EFCAB6: variants seen among roughly 807,000 people sequenced by gnomAD.
EFCAB6 encodes EF-hand calcium-binding domain-containing protein 6.
A neutral mutation model predicts 169.8 loss-of-function variants in EFCAB6; 156 were observed. That is an observed-to-expected ratio of 0.92 (90% CI 0.81 to 1.05). The LOEUF (loss-of-function observed/expected upper bound fraction) is 1.05, where lower values mean the gene tolerates loss of function less well. EFCAB6 is among the 50% of genes least tolerant of loss of function. The pLI is 0.00. For missense variants in EFCAB6, 1,800 were observed against 1,829.1 expected, an observed-to-expected ratio of 0.98 and a Z score of 0.29; for synonymous variants, 698 against 676.4, an observed-to-expected ratio of 1.03 and a Z score of -0.50.
At chr22:43,790,591 C>A (rs1227343981) in intron 2 of EFCAB6, among the ~76,000 whole-genome samples, 1 of 152,194 alleles carries the variant, frequency 6.6e-6, no homozygotes, top group African/African-American at 2.4e-5. Flanking sequence ...AAGGAAGAAA[C>A]AGGCGGCCAG....
At chr22:43,680,798 A>G (rs1409608861) in intron 12 of EFCAB6, among the ~76,000 whole-genome samples, 1 of 152,208 alleles carries the variant, frequency 6.6e-6, no homozygotes, top group Non-Finnish European at 1.5e-5. Flanking sequence ...TGTTAATCTT[A>G]TATTTCTGCA....
chr22:43,611,764 C>T (rs1028655478), intron 21 of EFCAB6, among the ~76,000 whole-genome samples: 4 of 151,990 alleles, frequency 2.6e-5, no homozygotes, highest in Admixed American at 2.6e-4. Context: ...CACCACTGCA[C>T]TCCAGCCTGG....
At position 43,530,876 on chromosome 22, in the gene EFCAB6, C is replaced by A. The variant is rs915086992; in HGVS notation, c.4322G>T (p.Arg1441Leu). Reference protein sequence around the residue: ...KIVHCWRPMRRTFKSYDEAGT... With the variant: ...KIVHCWRPMRLTFKSYDEAGT... ...AGCCTCATCATAGCTTTTGAACGTG[C>A]GCCGCATTGGCCTCCAGCAGTGCAC... Residue 1441 changes from arginine (R) to leucine (L), a missense_variant, in exon 31 of 32, where the codon CGC (arginine) becomes CTC (leucine). By Grantham distance (102) the Arg-to-Leu change is moderately radical. Coordinates refer to ENST00000262726, the MANE Select transcript of EFCAB6 (RefSeq NM_022785.4). 2 of 1,614,098 alleles carry A rather than the reference C, an allele frequency of 1.2e-6. No individual in the cohort carries two copies. The highest frequency in any genetic ancestry group is 2.7e-5 in the African/African-American group (2 of 74,938).
intron 3 of EFCAB6, 76 bp from the exon 4 acceptor site, chr22:43,773,179 C>A (rs75344542): frequency 2.8e-6 from 4 of 1,447,308 alleles, no homozygotes; most frequent in Non-Finnish European, 2.8e-6. Context: ...CACTGTTGAA[C>A]GGAACCAAGA....
rs1259879727 is a variant in EFCAB6, at chr22:43,744,852, C to T, written c.508-8859G>A. ...GGAAGCAGAAAGAAGGAGGGAGGTA[C>T]AGCCAGTGAGCAGGCCCTACCCACT... On this transcript the variant is annotated intron_variant, in intron 6 of 31. Transcript: ENST00000262726. This position sits in a 1 kb window ranked among gnomAD's most constrained non-coding sequence, Gnocchi z 4.3. 1.3e-5 allele frequency among the ~76,000 whole-genome samples: 2 copies of T among 152,144 alleles called. No homozygotes were observed. The highest frequency in any genetic ancestry group is 4.1e-4 in the South Asian group (2 of 4,832).
chr22:43,716,674 T>C (rs2059342068), intron 9 of EFCAB6, 174 bp downstream of exon 9: 2 of 615,504 alleles, frequency 3.2e-6, no homozygotes, highest in Admixed American at 4.2e-5. Flanking sequence ...ATCACGATTA[T>C]CCATGATCAA....
intron 17 of EFCAB6, among the ~76,000 whole-genome samples, chr22:43,643,350 T>C (rs114601229): frequency 2.3e-3 from 348 of 152,342 alleles, no homozygotes; most frequent in African/African-American, 5.7e-3. Context: ...CGGGACAACA[T>C]TGTCTCATAG....
intron 17 of EFCAB6, among the ~76,000 whole-genome samples, chr22:43,656,682 C>T (rs1569327981): frequency 6.6e-6 from 1 of 152,052 alleles, no homozygotes; most frequent in Non-Finnish European, 1.5e-5. Flanking sequence ...TAGGTTATAC[C>T]ACATAGCTTA....
intron 10 of EFCAB6, among the ~76,000 whole-genome samples, chr22:43,705,667 T>C (rs924367649): frequency 6.6e-6 from 1 of 151,726 alleles, no homozygotes; most frequent in African/African-American, 2.4e-5. Flanking sequence ...GAAATTAAAG[T>C]GGAAAATTTA....
At chr22:43,743,613 G>A (rs935318952) in intron 6 of EFCAB6, among the ~76,000 whole-genome samples, 9 of 152,184 alleles carry the variant, frequency 5.9e-5, no homozygotes, top group Non-Finnish European at 1.2e-4. Flanking sequence ...AATAAATGGT[G>A]GTGAAATGAG....
chr22:43,642,204 G>T (rs1351262320), intron 17 of EFCAB6, among the ~76,000 whole-genome samples: 1 of 152,118 alleles, frequency 6.6e-6, no homozygotes, highest in East Asian at 1.9e-4. Context: ...CCCTCCCAAA[G>T]TGCTGGGATT....
chr22:43,789,245 A>G (rs2062185639), intron 2 of EFCAB6, among the ~76,000 whole-genome samples: 1 of 152,172 alleles, frequency 6.6e-6, no homozygotes, highest in African/African-American at 2.4e-5. Flanking sequence ...TGAATTATAC[A>G]CTTTGAAAGG....
chr22:43,536,874 AAAC>A (rs1261610488), intron 29 of EFCAB6: 3 of 152,868 alleles, frequency 2.0e-5, no homozygotes, highest in Non-Finnish European at 4.4e-5. Flanking sequence ...AAAAACAACA[AAAC>A]AACAAAAAAC....
At chr22:43,584,348 C>A (rs1486601303) in intron 24 of EFCAB6, among the ~76,000 whole-genome samples, 1 of 152,166 alleles carries the variant, frequency 6.6e-6, no homozygotes, top group Non-Finnish European at 1.5e-5. Context: ...GGCAGGAATA[C>A]TCACATGGTA....
intron 23 of EFCAB6, among the ~76,000 whole-genome samples, chr22:43,592,620 G>A (rs946666101): frequency 8.5e-5 from 13 of 152,168 alleles, no homozygotes; most frequent in Non-Finnish European, 4.4e-5. Flanking sequence ...GGTGTCAGCC[G>A]ACACTCCGTG....
intron 7 of EFCAB6, among the ~76,000 whole-genome samples, chr22:43,735,103 G>T (rs992021701): frequency 6.6e-6 from 1 of 152,142 alleles, no homozygotes; most frequent in Non-Finnish European, 1.5e-5. Flanking sequence ...CTAGACACGG[G>T]CCCATCTTCC....
At chr22:43,585,873 C>A (rs2213459) in intron 24 of EFCAB6, among the ~76,000 whole-genome samples, 112,307 of 152,062 alleles carry the variant, frequency 0.74, 41,622 homozygotes, top group Admixed American at 0.8. Context: ...GAAATATTTG[C>A]AGTGTTGAAA....
At chr22:43,573,403 G>A (rs2050020710) in intron 26 of EFCAB6, among the ~76,000 whole-genome samples, 1 of 152,078 alleles carries the variant, frequency 6.6e-6, no homozygotes, top group South Asian at 2.1e-4. Flanking sequence ...CAGTATACAT[G>A]GTCTGTCCTC....
At position 43,576,386 on chromosome 22, in the gene EFCAB6, G is replaced by C; in HGVS notation, c.3331C>G (p.His1111Asp). ...ATTCTTAGTTTCCTCAAAAAATAAT[G>C]ATACTGATTGTCCGTTAGTTTGTAA... ...FCYKLTDNQY[H>D]YFLRKLRIHL... is the part of the protein sequence containing the mutation. The change falls in exon 26 of 32, where the codon CAT (histidine) becomes GAT (aspartate). Residue 1111 changes from histidine to aspartate, a missense_variant. Coordinates refer to ENST00000262726, the MANE Select transcript of EFCAB6 (RefSeq NM_022785.4). 1 of 1,602,856 alleles carries C rather than the reference G, an allele frequency of 6.2e-7. No homozygotes were observed. The highest frequency in any genetic ancestry group is 8.5e-7 in the Non-Finnish European group (1 of 1,176,996).
Sources: allele counts gnomAD v4.1 joint callset (sites outside exome capture counted in the v4.1 genomes callset), GRCh38; gene constraint gnomAD v4.1.1; non-coding constraint Gnocchi (gnomAD v3.1); transcripts MANE v1.5; gene names NCBI Gene and HGNC (gene_info 2026-07-23, HGNC 2026-07-21).